PCDHGC3: variants seen among roughly 807,000 people sequenced by gnomAD.
The protein encoded by PCDHGC3 is protocadherin gamma-C3.
PCDHGC3 carries 26 observed loss-of-function variants against 59.2 expected under a neutral mutation model. The observed-to-expected ratio is 0.44, with a 90% CI of 0.32 to 0.61. PCDHGC3 has a LOEUF of 0.61. Ranked by LOEUF, PCDHGC3 falls within the 20% of genes least tolerant of loss-of-function variation. The probability of loss-of-function intolerance (pLI) is 0.05; values close to 1 mark genes in which losing one functional copy is unlikely to be tolerated. For missense variants in PCDHGC3, 1,080 were observed against 1,221.8 expected (o/e 0.88, Z 1.73); for synonymous variants, 487 against 519.7 (o/e 0.94, Z 0.86).
chr5:141,505,507 A>G, intron 3 of PCDHGC3, 26 bp downstream of exon 3: 1 of 1,614,004 alleles, frequency 6.2e-7, no homozygotes, highest in South Asian at 1.1e-5. Flanking sequence ...GTGTGTATGG[A>G]AGAGTGGGAG....
At position 141,489,369 on chromosome 5, in the gene PCDHGC3, G is replaced by T; in HGVS notation, c.2431-5438G>T. ...TGGTGGAGGAGTCTGAGCCGGGGAC[G>T]CTGGTGGGGAATGTTGCTCAGGATC... On this transcript the variant is annotated intron_variant, in intron 1 of 3. Coordinates refer to ENST00000308177, the MANE Select transcript of PCDHGC3 (RefSeq NM_002588.4). This position sits in a 1 kb window ranked among gnomAD's most constrained non-coding sequence, Gnocchi z 4.5. 6.2e-7 allele frequency: 1 copy of T among 1,613,592 alleles called. No homozygotes were observed.
intron 2 of PCDHGC3, among the ~76,000 whole-genome samples, chr5:141,497,578 T>C (rs2099778035): frequency 1.3e-5 from 2 of 150,806 alleles, no homozygotes; most frequent in South Asian, 4.2e-4. Context: ...CTTGCTCTGT[T>C]GCCCAAGCTG....
At chr5:141,498,457 G>A (rs1028236637) in intron 2 of PCDHGC3, among the ~76,000 whole-genome samples, 8 of 152,126 alleles carry the variant, frequency 5.3e-5, no homozygotes, top group African/African-American at 1.9e-4. Flanking sequence ...CTTTTATCCA[G>A]TCTAACCCTG....
In PCDHGC3 at chr5:141,478,452, C is replaced by T. The variant is rs763187393; in HGVS notation, c.2336C>T (p.Ala779Val). ...CCGCTGCTGAAGAAACCTGGTGCAG[C>T]CAGTCCACTGGCCAGCCGCCAGAAC... ...SDPLLKKPGA[A>V]SPLASRQNTL... The change falls in exon 1 of 4, where the codon GCC becomes GTC. Residue 779 changes from alanine (A) to valine (V), a missense_variant. Coordinates refer to ENST00000308177, the MANE Select transcript of PCDHGC3 (RefSeq NM_002588.4). 6.2e-7 allele frequency: 1 copy of T among 1,613,598 alleles called. No homozygotes were observed. Among genetic ancestry groups the T allele is most frequent in the Admixed American group, 1.7e-5 (1 of 60,010 alleles).
chr5:141,509,144 G>C (rs969990007), intron 3 of PCDHGC3, among the ~76,000 whole-genome samples: 14 of 152,114 alleles, frequency 9.2e-5, no homozygotes, highest in Admixed American at 2.0e-4. Context: ...GGCGCATCCC[G>C]GCTCTCCCCT....
At chr5:141,508,792 C>T (rs1198342551) in intron 3 of PCDHGC3, among the ~76,000 whole-genome samples, 3 of 152,130 alleles carry the variant, frequency 2.0e-5, no homozygotes, top group Admixed American at 6.5e-5. Flanking sequence ...CTAAATCACT[C>T]TGGAATCCTG....
chr5:141,483,436 C>T, intron 1 of PCDHGC3, among the ~76,000 whole-genome samples: 1 of 152,198 alleles, frequency 6.6e-6, no homozygotes, highest in Non-Finnish European at 1.5e-5. Context: ...GAGCTGACTA[C>T]AATAAAATCA....
At position 141,486,579 on chromosome 5, in the gene PCDHGC3, G is replaced by A. The variant is rs747583158; in HGVS notation, c.2430+8033G>A. On this transcript the variant is annotated intron_variant, in intron 1 of 3. Coordinates refer to ENST00000308177, the MANE Select transcript of PCDHGC3 (RefSeq NM_002588.4). The surrounding 1 kb of genome is among the most constrained non-coding windows in gnomAD (Gnocchi z 5.0). ...GAGGTGTTTGTTCCTGAGAACAATC[G>A]CCCAGGGGACCTGCTTTGCTCCCTT... is the stretch of plus-strand genomic sequence containing the variant. The A allele has an allele frequency of 5.1e-5, 82 of 1,613,426 alleles. No homozygotes were observed. Among genetic ancestry groups the A allele is most frequent in the South Asian group, 2.2e-4 (20 of 91,084 alleles).
chr5:141,505,348 G>C, intron 2 of PCDHGC3, 45 bp from the exon 3 acceptor site: 1 of 1,613,358 alleles, frequency 6.2e-7, no homozygotes, highest in Non-Finnish European at 8.5e-7. Flanking sequence ...GGCATGAGCT[G>C]TGCCGGCCTG....
Position 141,487,289 on chromosome 5 carries a change from G to A in PCDHGC3, c.2431-7518G>A. The A allele has an allele frequency of 1.2e-6, 2 of 1,614,096 alleles. No individual in the cohort carries two copies. The highest frequency in any genetic ancestry group is 1.7e-6 in the Non-Finnish European group (2 of 1,180,024). On this transcript the variant is annotated intron_variant, in intron 1 of 3. Coordinates refer to ENST00000308177, the MANE Select transcript of PCDHGC3 (RefSeq NM_002588.4). The surrounding 1 kb of genome is among the most constrained non-coding windows in gnomAD (Gnocchi z 5.0). ...AGTGGCAATTTGCTTTGTCTCCTTTGGCTCATTCGTGGCACTACTCTCTAA... is the reference window on the plus strand; with the variant it reads ...AGTGGCAATTTGCTTTGTCTCCTTTAGCTCATTCGTGGCACTACTCTCTAA...
At chr5:141,497,018 A>G (rs988584487) in intron 2 of PCDHGC3, among the ~76,000 whole-genome samples, 1 of 152,084 alleles carries the variant, frequency 6.6e-6, no homozygotes, top group Non-Finnish European at 1.5e-5. Flanking sequence ...GTGAAACCCC[A>G]TCTCGATTAA....
At position 141,476,923 on chromosome 5, in the gene PCDHGC3, G is replaced by A. The variant is rs368207814; in HGVS notation, c.807G>A (p.Thr269=). Residue 269 remains threonine, a synonymous_variant, in exon 1 of 4, where the codon ACG becomes ACA. Transcript: ENST00000308177. This position sits in a 1 kb window ranked among gnomAD's most constrained non-coding sequence, Gnocchi z 7.6. The part of the protein sequence containing the change: ...SGTRVVQVLA[T]DLDEGPNGEI... ...CGCGCGTGGTACAAGTCCTTGCAAC[G>A]GATCTGGATGAAGGCCCCAACGGTG... The A allele has an allele frequency of 5.0e-6, 8 of 1,614,024 alleles. No individual in the cohort carries two copies. Among genetic ancestry groups the A allele is most frequent in the African/African-American group, 4.0e-5 (3 of 74,952 alleles).
rs2233602 is a variant in PCDHGC3, at chr5:141,490,032, C to T, written c.2431-4775C>T. 47,990 of 1,614,182 alleles carry T rather than the reference C, an allele frequency of 0.03. 1,413 individuals are homozygous for T. Among genetic ancestry groups the T allele is most frequent in the African/African-American group, 0.15 (11,444 of 75,040 alleles). On this transcript the variant is annotated intron_variant, in intron 1 of 3. Coordinates refer to ENST00000308177, the MANE Select transcript of PCDHGC3 (RefSeq NM_002588.4). The surrounding 1 kb of genome is among the most constrained non-coding windows in gnomAD (Gnocchi z 5.4). ...CCATTGGTACTCTGCTGCTCCGCCT[C>T]AATGCCACTGATCCAGACGAGGGCA...
At chr5:141,497,203 G>A (rs750138875) in intron 2 of PCDHGC3, among the ~76,000 whole-genome samples, 25 of 91,718 alleles carry the variant, frequency 2.7e-4, no homozygotes, top group Non-Finnish European at 4.9e-4. Flanking sequence ...AACAATGTGA[G>A]TGTAATGGGG....
chr5:141,485,416 C>T lies in PCDHGC3; in HGVS notation c.2430+6870C>T, dbSNP rs1311879785. On this transcript the variant is annotated intron_variant, in intron 1 of 3. Coordinates refer to ENST00000308177, the MANE Select transcript of PCDHGC3 (RefSeq NM_002588.4). This position sits in a 1 kb window ranked among gnomAD's most constrained non-coding sequence, Gnocchi z 5.7. Reference sequence around the variant, plus strand: ...GACACTTCCGTGTGGATTTGGACAGCGGAGCCCTGCTCATCAAGAACCCAA... The same window carrying T: ...GACACTTCCGTGTGGATTTGGACAGTGGAGCCCTGCTCATCAAGAACCCAA... 10 of 1,613,988 alleles carry T rather than the reference C, an allele frequency of 6.2e-6. No individual in the cohort carries two copies. Among genetic ancestry groups the T allele is most frequent in the South Asian group, 4.4e-5 (4 of 91,086 alleles).
intron 1 of PCDHGC3, among the ~76,000 whole-genome samples, chr5:141,492,408 C>T (rs1187024017): frequency 2.0e-5 from 3 of 152,244 alleles, no homozygotes; most frequent in African/African-American, 2.4e-5. Flanking sequence ...CTCCCCTCTG[C>T]CGCTCCCTCC....
Position 141,485,117 on chromosome 5 carries a change from G to A in PCDHGC3, c.2430+6571G>A. The A allele has an allele frequency of 3.0e-6, 4 of 1,326,200 alleles. No homozygotes were observed. The highest frequency in any genetic ancestry group is 4.3e-6 in the Non-Finnish European group (4 of 933,470). 82.2% of individuals were successfully genotyped at this position (1,326,200 alleles called of 1,614,324 possible). On this transcript the variant is annotated intron_variant, in intron 1 of 3. Transcript: ENST00000308177. The surrounding 1 kb of genome is among the most constrained non-coding windows in gnomAD (Gnocchi z 5.7). ...GTCTCCAGCTGCTGTGGCTGTTTGG[G>A]GCGGGTCGGCTTCATCCGCGTCTCA...
rs956263164 is a variant in PCDHGC3 at position 141,511,304 on chromosome 5, C to G, written c.*131C>G. The G allele has an allele frequency of 3.3e-5, 49 of 1,490,320 alleles. No homozygotes were observed. The highest frequency in any genetic ancestry group is 4.2e-5 in the African/African-American group (3 of 71,286). The allele number at this position is 1,490,320 out of a possible 1,614,324, so 92.3% of individuals were successfully genotyped here. ...TGGTAGGGGCCAAGGCCATGCTCCC[C>G]TTGGGAAACAGAAACAAGTGCCCAG... On this transcript the variant is annotated 3_prime_UTR_variant, in exon 4 of 4. Coordinates refer to ENST00000308177, the MANE Select transcript of PCDHGC3 (RefSeq NM_002588.4).
At chr5:141,494,768 C>T (rs758949982) in intron 1 of PCDHGC3, 39 bp from the exon 2 acceptor site, 1 of 1,614,060 alleles carries the variant, frequency 6.2e-7, no homozygotes, top group South Asian at 1.1e-5. Flanking sequence ...TCTAACTTCT[C>T]ACGGGTACTC....
Sources: allele counts gnomAD v4.1 joint callset (sites outside exome capture counted in the v4.1 genomes callset), GRCh38; gene constraint gnomAD v4.1.1; non-coding constraint Gnocchi (gnomAD v3.1); transcripts MANE v1.5; gene names NCBI Gene and HGNC (gene_info 2026-07-23, HGNC 2026-07-21).